Variants in PKM observed in about 807,000 individuals in gnomAD.
PKM encodes the protein pyruvate kinase M1/2.
PKM carries 18 observed loss-of-function variants against 49.8 expected under a neutral mutation model. That is an observed-to-expected ratio of 0.36 (90% CI 0.25 to 0.54). The LOEUF is 0.54. Ranked by LOEUF, PKM falls within the 20% of genes least tolerant of loss-of-function variation. PKM has a pLI of 0.89. For missense variants in PKM, 508 were observed against 713.8 expected (o/e 0.71, Z 3.28); for synonymous variants, 239 against 261.8 (o/e 0.91, Z 0.84).
intron 1 of PKM, among the ~76,000 whole-genome samples, chr15:72,226,045 A>G (rs1457223758): frequency 6.6e-6 from 1 of 152,152 alleles, no homozygotes; most frequent in East Asian, 1.9e-4. Context: ...TGCTCATCTA[A>G]TGTTAATAAC....
intron 5 of PKM, among the ~76,000 whole-genome samples, chr15:72,209,320 G>C (rs1344229762): frequency 6.7e-6 from 1 of 149,958 alleles, no homozygotes; most frequent in Non-Finnish European, 1.5e-5. Flanking sequence ...AGTGAGCCAA[G>C]ATCATGCCAC....
intron 1 of PKM, chr15:72,229,454 C>T (rs2082780469): frequency 1.5e-6 from 1 of 686,916 alleles, no homozygotes; most frequent in Admixed American, 2.4e-5. Context: ...TCCACGTGGA[C>T]CTTCACTGTC....
At chr15:72,201,987 G>A (rs780059258) in intron 9 of PKM, 2 of 234,632 alleles carry the variant, frequency 8.5e-6, no homozygotes, top group Non-Finnish European at 1.7e-5. Flanking sequence ...CCTCTCCTGA[G>A]CTGGAACCCA....
chr15:72,226,372 CA>C (rs8192378), intron 1 of PKM, among the ~76,000 whole-genome samples: 1 of 151,412 alleles, frequency 6.6e-6, no homozygotes, highest in African/African-American at 2.4e-5. Flanking sequence ...CTAAAAAATA[CA>C]AAAAAAATCA....
intron 1 of PKM, among the ~76,000 whole-genome samples, chr15:72,225,009 C>T (rs910539592): frequency 2.0e-5 from 3 of 147,988 alleles, no homozygotes; most frequent in Non-Finnish European, 3.0e-5. Context: ...GCAAGCTCCA[C>T]CTCCCAGGTT....
At chr15:72,220,758 C>G (rs1331852815) in intron 1 of PKM, among the ~76,000 whole-genome samples, 1 of 152,200 alleles carries the variant, frequency 6.6e-6, no homozygotes, top group Non-Finnish European at 1.5e-5. Context: ...CTCTGAATGC[C>G]TCTTTGTCAG....
Position 72,209,708 on chromosome 15 carries a change from T to C in PKM, c.530A>G (p.Asp177Gly), listed in dbSNP as rs2082195777. ...CACCTGGAGAGAAATAAGCCCATCA[T>C]CCACGTAGATCTTGCTGCCCACTTC... ...VVEVGSKIYV[D>G]DGLISLQVKQ... Residue 177 changes from aspartate to glycine, a missense_variant, in exon 5 of 11, where the codon GAT (aspartate) becomes GGT (glycine). Coordinates refer to ENST00000335181, the MANE Select transcript of PKM (RefSeq NM_002654.6). 1.2e-6 allele frequency: 2 copies of C among 1,613,828 alleles called. No individual in the cohort carries two copies. The highest frequency in any genetic ancestry group is 1.3e-5 in the African/African-American group (1 of 74,832).
chr15:72,228,088 A>G (rs1389769265), intron 1 of PKM, among the ~76,000 whole-genome samples: 1 of 152,202 alleles, frequency 6.6e-6, no homozygotes, highest in Non-Finnish European at 1.5e-5. Context: ...TGAATACAAC[A>G]TTATTTCTAA....
chr15:72,218,034 C>G (rs922233243), intron 2 of PKM, among the ~76,000 whole-genome samples: 24 of 152,128 alleles, frequency 1.6e-4, no homozygotes, highest in African/African-American at 5.6e-4. Context: ...ATAATTAAAT[C>G]AGGTTAGTTA....
chr15:72,211,331 T>C (rs1486112570), intron 3 of PKM, among the ~76,000 whole-genome samples: 1 of 152,122 alleles, frequency 6.6e-6, no homozygotes, highest in Non-Finnish European at 1.5e-5. Context: ...CCTCCCAAAG[T>C]GCTGGGATTA....
Position 72,200,679 on chromosome 15 carries a change from A to G in PKM, c.1308-24T>C. 1 of 1,599,376 alleles carries G rather than the reference A, an allele frequency of 6.3e-7. No homozygotes were observed. ...ACCTGAGATGGGATGGGGGACATAC[A>G]GAAGAGACCATTACACGAGGCCCCA... On this transcript the variant is annotated intron_variant, in intron 9 of 10. Coordinates refer to ENST00000335181, the MANE Select transcript of PKM (RefSeq NM_002654.6). This position sits in a 1 kb window ranked among gnomAD's most constrained non-coding sequence, Gnocchi z 4.6.
intron 1 of PKM, among the ~76,000 whole-genome samples, chr15:72,221,730 G>A (rs2082529925): frequency 6.6e-6 from 1 of 151,872 alleles, no homozygotes; most frequent in African/African-American, 2.4e-5. Context: ...TTAATCAATT[G>A]CTGCTCTATG....
chr15:72,227,217 A>G (rs2082695321), intron 1 of PKM, among the ~76,000 whole-genome samples: 1 of 152,264 alleles, frequency 6.6e-6, no homozygotes, highest in Non-Finnish European at 1.5e-5. Context: ...GGGACAACTT[A>G]AAATCCTTAA....
chr15:72,207,098 T>C (rs1441146530), intron 7 of PKM, 29 bp downstream of exon 7: 10 of 1,610,688 alleles, frequency 6.2e-6, no homozygotes, highest in African/African-American at 2.7e-5. Context: ...AGTGTGCACA[T>C]GAGAATGTGG....
In PKM at chr15:72,199,611, G is replaced by A. The variant is rs11558374; in HGVS notation, c.*39C>T. Reference sequence around the variant, plus strand: ...GGCCTAATGGATGGGCTGGGGGAAGGGGGTGGGACAGGGGCTGGAGGAGGG... The same window carrying A: ...GGCCTAATGGATGGGCTGGGGGAAGAGGGTGGGACAGGGGCTGGAGGAGGG... On this transcript the variant is annotated 3_prime_UTR_variant, in exon 11 of 11. Coordinates refer to ENST00000335181, the MANE Select transcript of PKM (RefSeq NM_002654.6). The A allele has an allele frequency of 6.4e-6, 9 of 1,401,460 alleles. No homozygotes were observed. In the East Asian group the frequency reaches 1.8e-4, roughly 28 times the overall value. The allele number at this position is 1,401,460 out of a possible 1,614,324, so 86.8% of individuals were successfully genotyped here. A position where few individuals can be genotyped will look rare whatever the true frequency, so the allele number is the denominator to read the frequency against.
At chr15:72,216,622 T>C (rs8192396) in intron 3 of PKM, among the ~76,000 whole-genome samples, 1,688 of 152,244 alleles carry the variant, frequency 0.011, 39 homozygotes, top group African/African-American at 0.039. Context: ...AATTTTGTTT[T>C]ATAAAATAAA....
At chr15:72,218,445 A>C (rs1291511459) in intron 2 of PKM, among the ~76,000 whole-genome samples, 1 of 151,746 alleles carries the variant, frequency 6.6e-6, no homozygotes, top group Non-Finnish European at 1.5e-5. Context: ...TTCTTAAGAC[A>C]GGATCTCGCT....
At chr15:72,218,083 G>A (rs190665369) in intron 2 of PKM, among the ~76,000 whole-genome samples, 1 of 152,136 alleles carries the variant, frequency 6.6e-6, no homozygotes, top group Non-Finnish European at 1.5e-5. Flanking sequence ...TTTTTGTGGT[G>A]AGAACATTTG....
chr15:72,202,168 C>G lies in PKM; in HGVS notation c.1307+286G>C, dbSNP rs1042273655. 4.2e-6 allele frequency: 2 copies of G among 470,744 alleles called. No homozygotes were observed. The highest frequency in any genetic ancestry group is 3.9e-5 in the African/African-American group (2 of 51,454). The allele number at this position is 470,744 out of a possible 1,614,324, so 29.2% of individuals were successfully genotyped here. Reference sequence around the variant, plus strand: ...TTTTAGAGGACTAAATTTTCAATATCAAATAACCATTTGTAGTCAGCCTGT... The same window carrying G: ...TTTTAGAGGACTAAATTTTCAATATGAAATAACCATTTGTAGTCAGCCTGT... On this transcript the variant is annotated intron_variant, in intron 9 of 10. Coordinates refer to ENST00000335181, the MANE Select transcript of PKM (RefSeq NM_002654.6). This position sits in a 1 kb window ranked among gnomAD's most constrained non-coding sequence, Gnocchi z 4.5.
Sources: allele counts gnomAD v4.1 joint callset (sites outside exome capture counted in the v4.1 genomes callset), GRCh38; gene constraint gnomAD v4.1.1; non-coding constraint Gnocchi (gnomAD v3.1); transcripts MANE v1.5; gene names NCBI Gene and HGNC (gene_info 2026-07-23, HGNC 2026-07-21).